STK33: variants seen among roughly 807,000 people sequenced by gnomAD.
The protein encoded by STK33 is serine/threonine-protein kinase 33.
In STK33, 52 loss-of-function variants were observed where a neutral mutation model predicts 58.0. The ratio of observed to expected loss-of-function variants is 0.90; its 90% confidence interval spans 0.72 to 1.13. STK33 has a LOEUF of 1.13. Ranked by LOEUF, STK33 falls within the 50% of genes most tolerant of loss-of-function variation. The pLI is 0.00. For missense variants in STK33, 630 were observed against 604.2 expected, an observed-to-expected ratio of 1.04 and a Z score of -0.45; for synonymous variants, 215 against 200.1, an observed-to-expected ratio of 1.07 and a Z score of -0.63.
At chr11:8,497,453 T>C (rs1399110462) in intron 1 of STK33, among the ~76,000 whole-genome samples, 1 of 152,196 alleles carries the variant, frequency 6.6e-6, no homozygotes, top group Non-Finnish European at 1.5e-5. Flanking sequence ...GGAAATTCGA[T>C]GACATGTTCA....
intron 1 of STK33, among the ~76,000 whole-genome samples, chr11:8,570,716 G>T (rs1432943087): frequency 6.6e-6 from 1 of 152,176 alleles, no homozygotes; most frequent in Non-Finnish European, 1.5e-5. Flanking sequence ...GCCGAGAGAG[G>T]CAGGATGGAG....
chr11:8,449,711 A>T lies in STK33; in HGVS notation c.871+3111T>A, dbSNP rs1591162447. Among the ~76,000 whole-genome samples the T allele has an allele frequency of 2.0e-5, 3 of 152,168 alleles. No individual in the cohort carries two copies. In the South Asian group the frequency reaches 6.2e-4, roughly 32 times the overall value. On this transcript the variant is annotated intron_variant, in intron 11 of 15. Coordinates refer to ENST00000687296, the MANE Select transcript of STK33 (RefSeq NM_001352389.2). ...GAGCTAATGGGTTCAGCACACCAAC[A>T]TGGCACATGTATACATATGTAACTA...
At chr11:8,351,114 C>T in the STK33 span, among the ~76,000 whole-genome samples, 215 of 152,158 alleles carry the variant, frequency 1.4e-3, 1 homozygote, top group African/African-American at 4.8e-3. Context: ...ATGAAGAGCC[C>T]CAGCATCCTG....
chr11:8,440,032 C>T (rs1944546751), intron 12 of STK33, among the ~76,000 whole-genome samples: 1 of 151,052 alleles, frequency 6.6e-6, no homozygotes. Context: ...CAGAAAGACC[C>T]TGCAATAGTC....
the STK33 span, among the ~76,000 whole-genome samples, chr11:8,339,306 C>A: frequency 6.6e-6 from 1 of 152,192 alleles, no homozygotes; most frequent in Admixed American, 6.5e-5. Context: ...ATTATTCAAA[C>A]TGAAAAACCT....
chr11:8,364,199 G>A, the STK33 span, among the ~76,000 whole-genome samples: 63 of 152,332 alleles, frequency 4.1e-4, no homozygotes, highest in African/African-American at 1.4e-3. Context: ...CACATGTGGA[G>A]CCAAATGGTG....
At chr11:8,535,189 C>T (rs1177532145) in intron 1 of STK33, among the ~76,000 whole-genome samples, 2 of 152,160 alleles carry the variant, frequency 1.3e-5, no homozygotes, top group African/African-American at 4.8e-5. Context: ...GTATGAGAAG[C>T]ATTAATGGTC....
chr11:8,442,758 G>A (rs1944926244), intron 11 of STK33, among the ~76,000 whole-genome samples: 2 of 152,102 alleles, frequency 1.3e-5, no homozygotes, highest in African/African-American at 4.8e-5. Flanking sequence ...GACAAAAAAA[G>A]CAACGAATTA....
the STK33 span, among the ~76,000 whole-genome samples, chr11:8,342,920 C>A: frequency 6.6e-6 from 1 of 152,184 alleles, no homozygotes; most frequent in Non-Finnish European, 1.5e-5. Context: ...AGGGAAAGTG[C>A]GATGAGCCAG....
At chr11:8,523,695 G>T (rs1397864138) in intron 1 of STK33, among the ~76,000 whole-genome samples, 1 of 143,982 alleles carries the variant, frequency 6.9e-6, no homozygotes, top group Non-Finnish European at 1.6e-5. Flanking sequence ...GCCACTTCCG[G>T]GAGGTGGGGG....
chr11:8,565,274 C>G (rs569095921), intron 1 of STK33, among the ~76,000 whole-genome samples: 65 of 152,296 alleles, frequency 4.3e-4, no homozygotes, highest in African/African-American at 1.3e-3. Flanking sequence ...TAAAAAACTT[C>G]ACATTTTTAA....
At chr11:8,493,274 G>A (rs755842176) in intron 1 of STK33, among the ~76,000 whole-genome samples, 13 of 151,966 alleles carry the variant, frequency 8.6e-5, no homozygotes, top group African/African-American at 2.2e-4. Context: ...TAGCACCACC[G>A]ATGACACAGA....
chr11:8,571,022 C>T (rs1957772799), intron 1 of STK33, among the ~76,000 whole-genome samples: 1 of 152,158 alleles, frequency 6.6e-6, no homozygotes, highest in Admixed American at 6.5e-5. Flanking sequence ...TGGACCATCA[C>T]ACAAGACACA....
At chr11:8,585,362 C>T (rs898907943) in intron 1 of STK33, among the ~76,000 whole-genome samples, 2 of 149,940 alleles carry the variant, frequency 1.3e-5, no homozygotes, top group Non-Finnish European at 3.0e-5. Flanking sequence ...GTAGCTGGGA[C>T]TACAGGCGCC....
rs561500870 is a variant in STK33 at position 8,585,884 on chromosome 11, G to A, written c.-466+8199C>T. On this transcript the variant is annotated intron_variant, in intron 1 of 15. Coordinates refer to ENST00000687296, the MANE Select transcript of STK33 (RefSeq NM_001352389.2). The stretch of plus-strand genomic sequence containing the variant: ...AGCCTGACCAACATGGTAAAACCTC[G>A]TCCTACTAAAAATACAAAATTAGCC... Among the ~76,000 whole-genome samples the A allele has an allele frequency of 1.1e-4, 16 of 152,014 alleles. No homozygotes were observed. In the South Asian group the frequency reaches 1.7e-3, roughly 16 times the overall value.
At position 8,435,540 on chromosome 11, in the gene STK33, G is replaced by A; in HGVS notation, c.1100C>T (p.Ala367Val). The A allele has an allele frequency of 6.6e-7, 1 of 1,522,858 alleles. No homozygotes were observed. The highest frequency in any genetic ancestry group is 8.9e-7 in the Non-Finnish European group (1 of 1,127,000). 94.3% of individuals were successfully genotyped at this position (1,522,858 alleles called of 1,614,324 possible). The change falls in exon 14 of 16, where the codon GCT (alanine) becomes GTT (valine). Residue 367 changes from alanine to valine, a missense_variant. Transcript: ENST00000687296. ...VLKQLMKVDP[A>V]HRITAKELLD... ...TAGTTCCTTAGCTGTGATTCTGTGA[G>A]CAGGATCTACTTTCATAAGTTGTTT...
At chr11:8,585,966 T>A (rs1168350311) in intron 1 of STK33, among the ~76,000 whole-genome samples, 3 of 152,056 alleles carry the variant, frequency 2.0e-5, no homozygotes, top group Non-Finnish European at 4.4e-5. Context: ...GACAGGAGAA[T>A]CGCTTGAACC....
At chr11:8,364,491 GTCATTGA>G in the STK33 span, among the ~76,000 whole-genome samples, 1 of 152,186 alleles carries the variant, frequency 6.6e-6, no homozygotes, top group South Asian at 2.1e-4. Context: ...GATGTGATTG[GTCATTGA>G]TCATGATATG....
chr11:8,475,749 G>A (rs1034575854), intron 4 of STK33: 7 of 152,120 alleles, frequency 4.6e-5, no homozygotes, highest in Non-Finnish European at 8.8e-5. Flanking sequence ...TCTCAGTTGA[G>A]GAGGAAGAAA....
Sources: allele counts gnomAD v4.1 joint callset (sites outside exome capture counted in the v4.1 genomes callset), GRCh38; gene constraint gnomAD v4.1.1; transcripts MANE v1.5; gene names NCBI Gene and HGNC (gene_info 2026-07-23, HGNC 2026-07-21).